The following AP1B1 variants were observed in gnomAD, a reference collection of about 807,000 sequenced individuals.
AP1B1 encodes adaptor related protein complex 1 subunit beta 1.
Under a neutral mutation model 104.3 loss-of-function variants are expected in AP1B1, and 36 were observed. The observed-to-expected ratio is 0.35, with a 90% CI of 0.26 to 0.46. The LOEUF (loss-of-function observed/expected upper bound fraction) is 0.46. AP1B1 is among the 20% of genes least tolerant of loss of function. The pLI, the probability that AP1B1 is intolerant of heterozygous loss-of-function variation, is 1.00. For synonymous variants in AP1B1, 504 were observed against 517.5 expected (o/e 0.97, Z 0.35); for missense variants, 901 against 1,247.9 (o/e 0.72, Z 4.19).
In AP1B1 at chr22:29,364,684, G is replaced by A. The variant is rs532797842; in HGVS notation, c.38-1578C>T. Among the ~76,000 whole-genome samples the A allele has an allele frequency of 4.0e-5, 6 of 151,306 alleles. No homozygotes were observed. In the East Asian group the frequency reaches 1.2e-3, roughly 29 times the overall value. The stretch of plus-strand genomic sequence containing the variant: ...CCGCCTTGGTCTCCCAAAGCACTGG[G>A]ATTACAGGCATGAGCCACCACGCCC... On this transcript the variant is annotated intron_variant, in intron 2 of 22. Transcript: ENST00000357586.
In AP1B1 at chr22:29,328,588, C is replaced by T. The variant is rs1467908661; in HGVS notation, c.*233G>A. ...GTCCCCACCTCACTTAACCCCACAT[C>T]ACAGCCACAGGAGCAGGGGTGTCCC... On this transcript the variant is annotated 3_prime_UTR_variant, in exon 23 of 23. Coordinates refer to ENST00000357586, the MANE Select transcript of AP1B1 (RefSeq NM_001127.4). The surrounding 1 kb of genome is among the most constrained non-coding windows in gnomAD (Gnocchi z 4.1). 4 of 523,092 alleles carry T rather than the reference C, an allele frequency of 7.6e-6. No individual in the cohort carries two copies. The highest frequency in any genetic ancestry group is 1.4e-5 in the Non-Finnish European group (4 of 291,048). 32.4% of individuals were successfully genotyped at this position (523,092 alleles called of 1,614,324 possible).
Position 29,359,976 on chromosome 22 carries a change from G to C in AP1B1, c.144-17C>G. On this transcript the variant is annotated splice_polypyrimidine_tract_variant and intron_variant, in intron 3 of 22. Transcript: ENST00000357586. ...AAGAGGGCACTGGAAGGTCAAAATG[G>C]TGTCAGCATGGGAAAGGCTGAACAA... The C allele has an allele frequency of 6.2e-7, 1 of 1,610,044 alleles. No homozygotes were observed. The highest frequency in any genetic ancestry group is 8.5e-7 in the Non-Finnish European group (1 of 1,177,890).
intron 15 of AP1B1, among the ~76,000 whole-genome samples, 155 bp downstream of exon 15, chr22:29,339,599 G>T (rs1203966811): frequency 6.6e-6 from 1 of 151,980 alleles, no homozygotes; most frequent in East Asian, 1.9e-4. Flanking sequence ...ATGCCAGGTG[G>T]TCAAGACAGA....
chr22:29,371,153 C>T (rs1003936710), intron 1 of AP1B1, among the ~76,000 whole-genome samples: 11 of 152,206 alleles, frequency 7.2e-5, no homozygotes, highest in African/African-American at 2.2e-4. Flanking sequence ...GCTATCTCCT[C>T]GTGTCCTTTC....
At chr22:29,374,265 A>G (rs1178018111) in intron 1 of AP1B1, among the ~76,000 whole-genome samples, 1 of 119,700 alleles carries the variant, frequency 8.4e-6, no homozygotes, top group Non-Finnish European at 1.7e-5. Context: ...GAAAGGAAGA[A>G]TGAAACATTG....
chr22:29,358,582 A>T, intron 5 of AP1B1, 144 bp downstream of exon 5: 1 of 1,163,604 alleles, frequency 8.6e-7, no homozygotes, highest in Non-Finnish European at 1.2e-6. Flanking sequence ...TGCCTGAACC[A>T]CCAAAAGGCA....
intron 1 of AP1B1, among the ~76,000 whole-genome samples, chr22:29,372,910 CA>C (rs1207582714): frequency 6.6e-6 from 1 of 152,172 alleles, no homozygotes; most frequent in Non-Finnish European, 1.5e-5. Context: ...TCCAATGTCT[CA>C]AAATTGGTGA....
At position 29,328,987 on chromosome 22, in the gene AP1B1, G is replaced by A; in HGVS notation, c.2776-92C>T. 1 of 1,536,280 alleles carries A rather than the reference G, an allele frequency of 6.5e-7. No homozygotes were observed. The highest frequency in any genetic ancestry group is 8.7e-7 in the Non-Finnish European group (1 of 1,143,708). On this transcript the variant is annotated intron_variant, in intron 22 of 22. Coordinates refer to ENST00000357586, the MANE Select transcript of AP1B1 (RefSeq NM_001127.4). This position sits in a 1 kb window ranked among gnomAD's most constrained non-coding sequence, Gnocchi z 4.1. ...GGTGGGGAAGAGAGCAGGAACCAAT[G>A]GGACAGCGTGGAGTGCACACAGCCT... is the stretch of plus-strand genomic sequence containing the variant.
At chr22:29,340,512 A>C in intron 14 of AP1B1, 144 bp downstream of exon 14, 13 of 916,576 alleles carry the variant, frequency 1.4e-5, no homozygotes, top group Non-Finnish European at 1.9e-5. Context: ...GTAGGGAGCT[A>C]CACAATCACC....
chr22:29,358,958 G>A lies in AP1B1; in HGVS notation c.293C>T (p.Pro98Leu), dbSNP rs754076846. The change falls in exon 5 of 23, where the codon CCC becomes CTC. Residue 98 changes from proline to leucine, a missense_variant. Physicochemically the swap from Pro to Leu is moderately conservative, Grantham distance 98 (BLOSUM62 -3). Transcript: ENST00000357586. ...TGCCAGGGCTCGGATGAGGGGGTTG[G>A]GGTCCTCACAGTCCTGGGGGGAACC... ...VNTFVKDCED[P>L]NPLIRALAVR... 72 of 1,610,042 alleles carry A rather than the reference G, an allele frequency of 4.5e-5. No individual in the cohort carries two copies. Among genetic ancestry groups the A allele is most frequent in the Non-Finnish European group, 5.9e-5 (70 of 1,178,808 alleles).
At chr22:29,365,162 G>A (rs2062114790) in intron 2 of AP1B1, among the ~76,000 whole-genome samples, 1 of 152,180 alleles carries the variant, frequency 6.6e-6, no homozygotes, top group African/African-American at 2.4e-5. Flanking sequence ...GGGCAGGGCT[G>A]AAACTGAAAA....
chr22:29,331,962 T>G (rs1259412365), intron 17 of AP1B1, 46 bp from the exon 18 acceptor site: 2 of 1,573,370 alleles, frequency 1.3e-6, no homozygotes, highest in Non-Finnish European at 1.7e-6. Flanking sequence ...GAGTAGGTGC[T>G]GATGCGGGAC....
intron 2 of AP1B1, among the ~76,000 whole-genome samples, chr22:29,366,621 C>T (rs944508472): frequency 2.0e-5 from 3 of 152,012 alleles, no homozygotes; most frequent in African/African-American, 7.2e-5. Flanking sequence ...AAGAGCGAAA[C>T]TCCGTCTCAA....
intron 16 of AP1B1, among the ~76,000 whole-genome samples, chr22:29,337,294 G>A (rs1269786991): frequency 6.6e-6 from 1 of 152,234 alleles, no homozygotes; most frequent in Non-Finnish European, 1.5e-5. Flanking sequence ...AAGGGCTGCT[G>A]GGAGGAGGAC....
chr22:29,331,724 C>T (rs2061561423), intron 18 of AP1B1, 63 bp downstream of exon 18: 1 of 1,613,762 alleles, frequency 6.2e-7, no homozygotes, highest in African/African-American at 1.3e-5. Flanking sequence ...CTTCTACTGA[C>T]CCCAGTGGGG....
rs16987431 is a variant in AP1B1 at position 29,353,287 on chromosome 22, C to T, written c.938+1363G>A. 9.8e-3 allele frequency among the ~76,000 whole-genome samples: 1,493 copies of T among 152,214 alleles called. 40 individuals are homozygous for T. Among genetic ancestry groups the T allele is most frequent in the African/African-American group, 0.035 (1,443 of 41,516 alleles). Reference sequence around the variant, plus strand: ...ACACTGCGGGGAGGTCCTGGCCAAGCAAGGAGCCTTTGTCGTGCCCCATGG... The same window carrying T: ...ACACTGCGGGGAGGTCCTGGCCAAGTAAGGAGCCTTTGTCGTGCCCCATGG... On this transcript the variant is annotated intron_variant, in intron 7 of 22. Coordinates refer to ENST00000357586, the MANE Select transcript of AP1B1 (RefSeq NM_001127.4).
At position 29,342,288 on chromosome 22, in the gene AP1B1, A is replaced by G; in HGVS notation, c.1533T>C (p.Thr511=). 2 of 1,613,614 alleles carry G rather than the reference A, an allele frequency of 1.2e-6. No individual in the cohort carries two copies. The highest frequency in any genetic ancestry group is 1.7e-6 in the Non-Finnish European group (2 of 1,179,742). ...GCGGGGAGGTTGGGGCACCCACCTG[A>G]GTGGCCAAACTGAGGACCTGCTGCA... ...ELVQQVLSLA[T]QDSDNPDLRD... Residue 511 remains threonine, a synonymous_variant, in exon 12 of 23, where the codon ACT becomes ACC. Coordinates refer to ENST00000357586, the MANE Select transcript of AP1B1 (RefSeq NM_001127.4).
chr22:29,331,675 A>G (rs1189942875), intron 18 of AP1B1, 112 bp downstream of exon 18: 19 of 1,598,172 alleles, frequency 1.2e-5, no homozygotes, highest in East Asian at 2.2e-5. Flanking sequence ...GGCCTCCCCA[A>G]CACATCTGCA....
At chr22:29,377,872 G>A (rs1438221451) in intron 1 of AP1B1, among the ~76,000 whole-genome samples, 3 of 151,606 alleles carry the variant, frequency 2.0e-5, no homozygotes, top group African/African-American at 7.3e-5. Context: ...ATTATCACAA[G>A]TTTACAGATG....
Sources: allele counts gnomAD v4.1 joint callset (sites outside exome capture counted in the v4.1 genomes callset), GRCh38; gene constraint gnomAD v4.1.1; non-coding constraint Gnocchi (gnomAD v3.1); transcripts MANE v1.5; gene names NCBI Gene and HGNC (gene_info 2026-07-23, HGNC 2026-07-21).